Variants in FAM178B observed in about 807,000 individuals in gnomAD.
FAM178B encodes the protein family with sequence similarity 178 member B.
A neutral mutation model predicts 91.7 loss-of-function variants in FAM178B; 82 were observed. That is an observed-to-expected ratio of 0.89 (90% CI 0.75 to 1.07). The LOEUF (loss-of-function observed/expected upper bound fraction) is 1.07. Ranked by LOEUF, FAM178B falls within the 50% of genes least tolerant of loss-of-function variation. FAM178B has a pLI of 0.00. For synonymous variants in FAM178B, 368 were observed against 359.4 expected, an observed-to-expected ratio of 1.02 and a Z score of -0.27; for missense variants, 769 against 846.7, an observed-to-expected ratio of 0.91 and a Z score of 1.14.
intron 6 of FAM178B, among the ~76,000 whole-genome samples, chr2:96,952,321 A>G (rs75099882): frequency 2.1e-3 from 320 of 152,338 alleles, no homozygotes; most frequent in African/African-American, 7.5e-3. Context: ...TCTGGGAAGG[A>G]AATACCAAAC....
rs1195704860 is a variant in FAM178B at position 96,902,705 on chromosome 2, C to G, written c.1565G>C (p.Arg522Pro). 5.2e-6 allele frequency: 8 copies of G among 1,550,112 alleles called. No individual in the cohort carries two copies. Among genetic ancestry groups the G allele is most frequent in the South Asian group, 1.2e-5 (1 of 84,042 alleles). The change falls in exon 13 of 17, where the codon CGG becomes CCG. Residue 522 changes from arginine (R) to proline (P), a missense_variant and splice_region_variant. Physicochemically the swap from Arg to Pro is moderately radical, Grantham distance 103. Transcript: ENST00000490605. ...FFPDMTSRSR[R>P]LRSQLSLVVI... Reference sequence around the variant, plus strand: ...CACAAGGCTGAGCTGGCTTCGAAGCCGCCTGGGGGAAAAGCGACAGCCTGA... The same window carrying G: ...CACAAGGCTGAGCTGGCTTCGAAGCGGCCTGGGGGAAAAGCGACAGCCTGA...
Position 96,881,424 on chromosome 2 carries a change from G to A in FAM178B, c.1777-2931C>T, listed in dbSNP as rs542314408. 3.3e-5 allele frequency among the ~76,000 whole-genome samples: 5 copies of A among 152,238 alleles called. No homozygotes were observed. In the South Asian group the frequency reaches 6.2e-4, roughly 19 times the overall value. ...GGGGAAGGCACCCTGGGCTGTCTGCGAGGGAGAATGTGTGGGACTGGGAGG... is the reference window on the plus strand; with the variant it reads ...GGGGAAGGCACCCTGGGCTGTCTGCAAGGGAGAATGTGTGGGACTGGGAGG... On this transcript the variant is annotated intron_variant, in intron 14 of 16. Coordinates refer to ENST00000490605, the MANE Select transcript of FAM178B (RefSeq NM_001122646.3).
intron 14 of FAM178B, among the ~76,000 whole-genome samples, chr2:96,893,229 G>T (rs868369106): frequency 6.6e-6 from 1 of 152,056 alleles, no homozygotes; most frequent in South Asian, 2.1e-4. Flanking sequence ...CGAGGTTTAA[G>T]CCCTGCTCCC....
chr2:96,936,789 G>T (rs2081639677), intron 8 of FAM178B, among the ~76,000 whole-genome samples: 1 of 152,110 alleles, frequency 6.6e-6, no homozygotes, highest in African/African-American at 2.4e-5. Context: ...GGGATTACAG[G>T]CGTGAGACAC....
At chr2:96,934,144 C>A (rs909573741) in intron 8 of FAM178B, among the ~76,000 whole-genome samples, 1 of 152,172 alleles carries the variant, frequency 6.6e-6, no homozygotes, top group Non-Finnish European at 1.5e-5. Flanking sequence ...GCCCTGCTCT[C>A]GGGTTGTTGG....
intron 14 of FAM178B, among the ~76,000 whole-genome samples, chr2:96,881,446 GA>G: frequency 6.6e-6 from 1 of 152,072 alleles, no homozygotes; most frequent in Non-Finnish European, 1.5e-5. Flanking sequence ...GTGGGACTGG[GA>G]GGGGCGAAAG....
At chr2:96,909,078 G>A (rs914750790) in intron 12 of FAM178B, among the ~76,000 whole-genome samples, 1 of 151,348 alleles carries the variant, frequency 6.6e-6, no homozygotes, top group South Asian at 2.1e-4. Context: ...GGGAGGCAGA[G>A]GTTGCAGTGA....
At chr2:96,914,914 T>G (rs961604870) in intron 12 of FAM178B, among the ~76,000 whole-genome samples, 2 of 152,016 alleles carry the variant, frequency 1.3e-5, no homozygotes, top group Non-Finnish European at 2.9e-5. Context: ...GACCTTATCT[T>G]TTTAGAGACA....
chr2:96,968,577 T>G (rs1356141813), intron 4 of FAM178B, among the ~76,000 whole-genome samples: 3 of 152,110 alleles, frequency 2.0e-5, no homozygotes, highest in Non-Finnish European at 4.4e-5. Flanking sequence ...AGCCACTCAC[T>G]GAGTGATTTC....
chr2:96,951,518 T>A (rs970777274), intron 6 of FAM178B, 34 bp from the exon 7 acceptor site: 5 of 1,499,768 alleles, frequency 3.3e-6, no homozygotes, highest in Admixed American at 2.0e-5. Flanking sequence ...AGGGGAGGCC[T>A]CTGTGCCAGC....
rs76233689 is a variant in FAM178B at position 96,877,730 on chromosome 2, C to T, written c.2007+160G>A. ...GATTCTTGATAAGAATGATGAAGGC[C>T]CCTCAAGGCGTCCCCACCCTTCCCC... is the stretch of plus-strand genomic sequence containing the variant. On this transcript the variant is annotated intron_variant, in intron 16 of 16. Transcript: ENST00000490605. 323 of 674,780 alleles carry T rather than the reference C, an allele frequency of 4.8e-4. 2 individuals are homozygous for T. The African/African-American group carries it at 5.1e-3, about 11-fold the overall frequency. The allele number at this position is 674,780 out of a possible 1,614,324, so 41.8% of individuals were successfully genotyped here.
intron 14 of FAM178B, among the ~76,000 whole-genome samples, chr2:96,889,800 A>G (rs892804120): frequency 3.3e-5 from 5 of 151,972 alleles, no homozygotes; most frequent in African/African-American, 9.7e-5. Context: ...GGAGTATAAT[A>G]TGCAATAGCA....
chr2:96,929,242 G>T lies in FAM178B; in HGVS notation c.1157C>A (p.Ala386Asp), dbSNP rs918802354. The T allele has an allele frequency of 4.5e-6, 7 of 1,551,662 alleles. No homozygotes were observed. The highest frequency in any genetic ancestry group is 6.1e-6 in the Non-Finnish European group (7 of 1,146,944). The change falls in exon 9 of 17, where the codon GCC becomes GAC. Residue 386 changes from alanine (A) to aspartate (D), a missense_variant. Transcript: ENST00000490605. The part of the protein sequence containing the change: ...AFHSLGAHSP[A>D]LYPLGPFWHG... ...CCAAAAGGGCCCCAGAGGGTACAGG[G>T]CAGGACTGTGGGCACCCAGGCTGTG...
At position 96,904,409 on chromosome 2, in the gene FAM178B, T is replaced by A. The variant is rs951522177; in HGVS notation, c.1563-1702A>T. 5.9e-5 allele frequency among the ~76,000 whole-genome samples: 9 copies of A among 152,152 alleles called. No homozygotes were observed. In the East Asian group the frequency reaches 1.7e-3, roughly 29 times the overall value. On this transcript the variant is annotated intron_variant, in intron 12 of 16. Coordinates refer to ENST00000490605, the MANE Select transcript of FAM178B (RefSeq NM_001122646.3). ...TTGTTTGAGACAGAGTCTCGTTCTG[T>A]CACCCAGGCTGGAGTGCAATGGCAT...
chr2:96,931,635 G>C (rs371283042), intron 8 of FAM178B, among the ~76,000 whole-genome samples: 1 of 152,162 alleles, frequency 6.6e-6, no homozygotes, highest in Non-Finnish European at 1.5e-5. Flanking sequence ...AAGGACCACC[G>C]TAAGAATCAG....
At chr2:96,911,379 G>A (rs931369332) in intron 12 of FAM178B, among the ~76,000 whole-genome samples, 1 of 152,240 alleles carries the variant, frequency 6.6e-6, no homozygotes. Flanking sequence ...GGAGACAGAT[G>A]CGGAAAAGCT....
rs374120633 is a variant in FAM178B, at chr2:96,876,229, A to G, written c.*47T>C. ...TTCCTCCAGTTCCCTGAGCCTGTTCACTTCCTGCTGAAGCCAGGAGCCCTG... is the reference window on the plus strand; with the variant it reads ...TTCCTCCAGTTCCCTGAGCCTGTTCGCTTCCTGCTGAAGCCAGGAGCCCTG... On this transcript the variant is annotated 3_prime_UTR_variant, in exon 17 of 17. Transcript: ENST00000490605. 5.1e-6 allele frequency: 8 copies of G among 1,583,672 alleles called. No homozygotes were observed. The African/African-American group carries it at 9.4e-5, about 19-fold the overall frequency.
At chr2:96,923,249 A>C (rs1182423937) in intron 10 of FAM178B, among the ~76,000 whole-genome samples, 3 of 152,218 alleles carry the variant, frequency 2.0e-5, no homozygotes, top group Admixed American at 6.5e-5. Flanking sequence ...CTGGGATTAC[A>C]GGCATGAGCC....
chr2:96,901,212 G>A (rs1030093263), intron 13 of FAM178B, among the ~76,000 whole-genome samples: 11 of 141,886 alleles, frequency 7.8e-5, no homozygotes, highest in East Asian at 2.0e-4. Context: ...TTGCCCTGTC[G>A]CCCAGGCTGG....
Sources: gnomAD v4.1 joint callset for allele counts (sites outside exome capture counted in the v4.1 genomes callset) on GRCh38, gnomAD v4.1.1 for gene constraint, MANE v1.5 for transcripts, NCBI Gene and HGNC (gene_info 2026-07-23, HGNC 2026-07-21) for gene names.